PPP6R3: variants seen among roughly 807,000 people sequenced by gnomAD.
PPP6R3 encodes protein phosphatase 6 regulatory subunit 3.
A neutral mutation model predicts 110.7 loss-of-function variants in PPP6R3; 38 were observed. The ratio of observed to expected loss-of-function variants is 0.34; its 90% CI spans 0.26 to 0.45. PPP6R3 has a LOEUF of 0.45. Ranked by LOEUF, PPP6R3 falls within the 20% of genes least tolerant of loss-of-function variation. The probability of loss-of-function intolerance (pLI) is 1.00; values close to 1 mark genes in which losing one functional copy is unlikely to be tolerated. For synonymous variants in PPP6R3, 369 were observed against 373.5 expected (o/e 0.99, Z 0.14); for missense variants, 870 against 1,062.4 (o/e 0.82, Z 2.52).
chr11:68,519,073 A>G (rs1046300706), intron 1 of PPP6R3, among the ~76,000 whole-genome samples: 1 of 152,244 alleles, frequency 6.6e-6, no homozygotes, highest in Admixed American at 6.5e-5. Context: ...ACGCTTCCTG[A>G]TAAAACGTAT....
intron 1 of PPP6R3, among the ~76,000 whole-genome samples, chr11:68,472,895 A>G (rs1226608466): frequency 6.6e-6 from 1 of 152,244 alleles, no homozygotes; most frequent in South Asian, 2.1e-4. Flanking sequence ...AGTTTCATCC[A>G]TGTTTTAGCA....
intron 14 of PPP6R3, among the ~76,000 whole-genome samples, chr11:68,577,316 T>C (rs182699866): frequency 2.8e-3 from 429 of 152,348 alleles, no homozygotes; most frequent in Non-Finnish European, 4.4e-3. Flanking sequence ...TTTTGTAGAA[T>C]GGAATTGTCC....
At chr11:68,490,294 T>G (rs541153841) in intron 1 of PPP6R3, among the ~76,000 whole-genome samples, 4 of 152,316 alleles carry the variant, frequency 2.6e-5, no homozygotes, top group African/African-American at 9.6e-5. Flanking sequence ...AGAAGTTAGA[T>G]GTAATTCTTG....
intron 15 of PPP6R3, among the ~76,000 whole-genome samples, chr11:68,584,018 A>G (rs1245070284): frequency 6.6e-6 from 1 of 152,120 alleles, no homozygotes; most frequent in African/African-American, 2.4e-5. Context: ...GTCATATTCC[A>G]GTATTGGTTG....
At chr11:68,533,046 G>C (rs1008890346) in intron 2 of PPP6R3, among the ~76,000 whole-genome samples, 1 of 152,190 alleles carries the variant, frequency 6.6e-6, no homozygotes, top group Non-Finnish European at 1.5e-5. Flanking sequence ...AGTTGTTGAA[G>C]TTCTGACTTT....
intron 3 of PPP6R3, among the ~76,000 whole-genome samples, chr11:68,540,235 C>G (rs768204646): frequency 6.6e-6 from 1 of 152,154 alleles, no homozygotes; most frequent in Non-Finnish European, 1.5e-5. Flanking sequence ...TTCTGTTTTC[C>G]CTAAGCGTCA....
In PPP6R3 at chr11:68,491,328, CTGTGTGTGTGTGTG is replaced by C. The variant is rs60972668; in HGVS notation, c.-157-28135_-157-28122del. Among the ~76,000 whole-genome samples the C allele has an allele frequency of 5.7e-3, 706 of 123,564 alleles. 8 individuals carry two copies. The highest frequency in any genetic ancestry group is 0.016 in the African/African-American group (528 of 33,586). The allele number at this position is 123,564 out of a possible 152,430, so 81.1% of individuals were successfully genotyped here. ...CCAGAAGGTTGTTAAGTGTCTTCAG[CTGTGTGTGTGTGTG>C]TGTGTGTGTGTGTGTGTGTGTGTGT... On this transcript the variant is annotated intron_variant, in intron 1 of 23. Coordinates refer to ENST00000393800, the MANE Select transcript of PPP6R3 (RefSeq NM_001164161.2).
At chr11:68,566,733 T>G (rs1358843580) in intron 9 of PPP6R3, among the ~76,000 whole-genome samples, 1 of 152,224 alleles carries the variant, frequency 6.6e-6, no homozygotes, top group Non-Finnish European at 1.5e-5. Context: ...TTCTGTAGCC[T>G]TCTGCTTTCT....
At chr11:68,461,101 C>G (rs1053670975) in intron 1 of PPP6R3, among the ~76,000 whole-genome samples, 1 of 151,132 alleles carries the variant, frequency 6.6e-6, no homozygotes, top group Non-Finnish European at 1.5e-5. Context: ...CTTTGTGCCT[C>G]GTTGACGTTC....
intron 1 of PPP6R3, among the ~76,000 whole-genome samples, chr11:68,489,961 A>C (rs1285251012): frequency 6.6e-6 from 1 of 152,204 alleles, no homozygotes; most frequent in African/African-American, 2.4e-5. Flanking sequence ...ATAAGGAAGC[A>C]TACTTAATCG....
chr11:68,596,752 A>C (rs1047773762), intron 19 of PPP6R3, among the ~76,000 whole-genome samples: 2 of 152,254 alleles, frequency 1.3e-5, no homozygotes. Flanking sequence ...CCTTTTAAAA[A>C]TACTTCAAAA....
intron 1 of PPP6R3, among the ~76,000 whole-genome samples, chr11:68,467,814 G>A (rs1486575554): frequency 1.3e-5 from 2 of 152,100 alleles, no homozygotes; most frequent in African/African-American, 4.8e-5. Flanking sequence ...TCAGTCTGTC[G>A]CCCAGGCTGG....
chr11:68,500,089 T>C (rs375333709), intron 1 of PPP6R3, among the ~76,000 whole-genome samples: 3 of 152,320 alleles, frequency 2.0e-5, no homozygotes, highest in East Asian at 3.9e-4. Context: ...TCTATAAATA[T>C]GTTAGTATAT....
chr11:68,589,051 A>G (rs2153837888), intron 16 of PPP6R3, among the ~76,000 whole-genome samples: 1 of 152,116 alleles, frequency 6.6e-6, no homozygotes. Context: ...TACTAAAAAT[A>G]CAAAAACAAT....
intron 15 of PPP6R3, chr11:68,587,176 A>AACCCC (rs1491559855): frequency 2.9e-5 from 2 of 68,356 alleles, no homozygotes; most frequent in African/African-American, 1.0e-4. Context: ...CCATTATAAC[A>AACCCC]CCCCCCCCCC....
rs188435298 is a variant in PPP6R3 at position 68,614,590 on chromosome 11, G to T, written c.*1473G>T. The T allele has an allele frequency of 6.6e-7, 1 of 1,504,814 alleles. No homozygotes were observed. Among genetic ancestry groups the T allele is most frequent in the South Asian group, 1.3e-5 (1 of 75,780 alleles). 93.2% of individuals were successfully genotyped at this position (1,504,814 alleles called of 1,614,324 possible). On this transcript the variant is annotated 3_prime_UTR_variant, in exon 24 of 24. Transcript: ENST00000393800. Reference sequence around the variant, plus strand: ...GCATATGGAAATAAAAGAATCAAACGTCTAATGCCTTATTATTTCTGATTT... The same window carrying T: ...GCATATGGAAATAAAAGAATCAAACTTCTAATGCCTTATTATTTCTGATTT...
intron 21 of PPP6R3, among the ~76,000 whole-genome samples, chr11:68,602,450 G>A (rs934654821): frequency 6.6e-6 from 1 of 152,176 alleles, no homozygotes; most frequent in Non-Finnish European, 1.5e-5. Flanking sequence ...CTAGTCAAAT[G>A]TGTTCCTTGC....
At chr11:68,505,948 T>C (rs1452585852) in intron 1 of PPP6R3, among the ~76,000 whole-genome samples, 1 of 152,174 alleles carries the variant, frequency 6.6e-6, no homozygotes, top group Non-Finnish European at 1.5e-5. Context: ...GGGATAGTGC[T>C]ACAACTAGTC....
rs73518803 is a variant in PPP6R3, at chr11:68,511,835, C to T, written c.-157-7666C>T. ...TTAAATGTACTTATCACTAATTTAG[C>T]CTCAGACTTTTAGCCAGTTACATAT... On this transcript the variant is annotated intron_variant, in intron 1 of 23. Coordinates refer to ENST00000393800, the MANE Select transcript of PPP6R3 (RefSeq NM_001164161.2). 8.9e-3 allele frequency among the ~76,000 whole-genome samples: 1,357 copies of T among 152,038 alleles called. 17 individuals are homozygous for T. Among genetic ancestry groups the T allele is most frequent in the African/African-American group, 0.031 (1,300 of 41,426 alleles).
Sources: allele counts gnomAD v4.1 joint callset (sites outside exome capture counted in the v4.1 genomes callset), GRCh38; gene constraint gnomAD v4.1.1; transcripts MANE v1.5; gene names NCBI Gene and HGNC (gene_info 2026-07-23, HGNC 2026-07-21).